The following TNFRSF8 variants were observed in gnomAD, a reference collection of about 807,000 sequenced individuals.
TNFRSF8 encodes tumor necrosis factor receptor superfamily member 8.
Under a neutral mutation model 70.8 loss-of-function variants are expected in TNFRSF8, and 26 were observed. The ratio of observed to expected loss-of-function variants is 0.37; its 90% CI spans 0.27 to 0.51. The LOEUF is 0.51. Ranked by LOEUF, TNFRSF8 falls within the 20% of genes least tolerant of loss-of-function variation. The probability of loss-of-function intolerance (pLI) is 0.94; values close to 1 mark genes in which losing one functional copy is unlikely to be tolerated. For synonymous variants in TNFRSF8, 356 were observed against 339.2 expected, an observed-to-expected ratio of 1.05 and a Z score of -0.54; for missense variants, 720 against 807.9, an observed-to-expected ratio of 0.89 and a Z score of 1.32.
At chr1:12,068,387 T>C (rs1282590635) in intron 1 of TNFRSF8, among the ~76,000 whole-genome samples, 1 of 150,908 alleles carries the variant, frequency 6.6e-6, no homozygotes, top group Non-Finnish European at 1.5e-5. Flanking sequence ...TAGGGGAGAG[T>C]CTTGCCTACA....
intron 6 of TNFRSF8, among the ~76,000 whole-genome samples, chr1:12,111,277 G>A (rs11569881): frequency 0.07 from 10,677 of 152,046 alleles, 403 homozygotes; most frequent in Non-Finnish European, 0.08. Flanking sequence ...CGCCTCCTGG[G>A]TTCAAGCAAT....
intron 9 of TNFRSF8, 94 bp from the exon 10 acceptor site, chr1:12,123,621 T>G: frequency 8.6e-7 from 1 of 1,164,298 alleles, no homozygotes; most frequent in Non-Finnish European, 1.2e-6. Flanking sequence ...GCCCAGGCTC[T>G]GGTTGCGCAG....
chr1:12,125,767 G>C (rs545634863), intron 10 of TNFRSF8, 184 bp from the exon 11 acceptor site: 91 of 643,316 alleles, frequency 1.4e-4, no homozygotes, highest in South Asian at 2.1e-4. Flanking sequence ...TTCAATAGTT[G>C]ATCAGCTTCC....
At chr1:12,076,136 T>C (rs1362777800) in intron 1 of TNFRSF8, among the ~76,000 whole-genome samples, 1 of 144,184 alleles carries the variant, frequency 6.9e-6, no homozygotes, top group African/African-American at 2.5e-5. Flanking sequence ...GTTTCACTCA[T>C]CTTGCCCAGG....
chr1:12,093,879 G>A (rs1383826309), intron 2 of TNFRSF8, among the ~76,000 whole-genome samples: 3 of 152,036 alleles, frequency 2.0e-5, no homozygotes, highest in South Asian at 2.1e-4. Flanking sequence ...AGAGCATCTT[G>A]GCTAACACGG....
intron 8 of TNFRSF8, among the ~76,000 whole-genome samples, chr1:12,121,366 T>C (rs541144612): frequency 2.0e-5 from 3 of 152,200 alleles, no homozygotes; most frequent in African/African-American, 7.2e-5. Flanking sequence ...AGAGGGGAGA[T>C]GTGGGTATGT....
Position 12,142,343 on chromosome 1 carries a change from C to G in TNFRSF8, c.1600C>G (p.Leu534Val), listed in dbSNP as rs1642268043. The change falls in exon 15 of 15, where the codon CTG (leucine) becomes GTG (valine). Residue 534 changes from leucine to valine, a missense_variant. Physicochemically the swap from Leu to Val is conservative, Grantham distance 32 (BLOSUM62 1). Coordinates refer to ENST00000263932, the MANE Select transcript of TNFRSF8 (RefSeq NM_001243.5). The surrounding 1 kb of genome is among the most constrained non-coding windows in gnomAD (Gnocchi z 5.0). Reference sequence around the variant, plus strand: ...GATCGTGGGGACCGTGAAGGCTGAGCTGCCGGAGGGCCGGGGCCTGGCGGG... The same window carrying G: ...GATCGTGGGGACCGTGAAGGCTGAGGTGCCGGAGGGCCGGGGCCTGGCGGG... ...TVIVGTVKAE[L>V]PEGRGLAGPA... The G allele has an allele frequency of 6.2e-7, 1 of 1,606,962 alleles. No individual in the cohort carries two copies. The highest frequency in any genetic ancestry group is 1.3e-5 in the African/African-American group (1 of 74,982).
intron 4 of TNFRSF8, among the ~76,000 whole-genome samples, chr1:12,107,760 T>G (rs975034434): frequency 3.3e-5 from 5 of 151,362 alleles, no homozygotes; most frequent in Non-Finnish European, 7.4e-5. Context: ...TCTCCGGGGT[T>G]GTTGTTTTTT....
chr1:12,113,983 T>A lies in TNFRSF8; in HGVS notation c.794-1594T>A, dbSNP rs1287660079. ...TCACTGCAGCCATGTTTTGGGGAAA[T>A]ACAGTCTGCCACAACCACCATGTGG... is the stretch of plus-strand genomic sequence containing the variant. On this transcript the variant is annotated intron_variant, in intron 7 of 14. Coordinates refer to ENST00000263932, the MANE Select transcript of TNFRSF8 (RefSeq NM_001243.5). This position sits in a 1 kb window ranked among gnomAD's most constrained non-coding sequence, Gnocchi z 4.9. Among the ~76,000 whole-genome samples, 2 of 152,116 alleles carry A rather than the reference T, an allele frequency of 1.3e-5. No homozygotes were observed. Among genetic ancestry groups the A allele is most frequent in the Non-Finnish European group, 2.9e-5 (2 of 68,020 alleles).
In TNFRSF8 at chr1:12,138,199, C is replaced by T. The variant is rs749479349; in HGVS notation, c.1336-30C>T. The T allele has an allele frequency of 3.1e-6, 5 of 1,606,828 alleles. No individual in the cohort carries two copies. In the African/African-American group the frequency reaches 6.7e-5, roughly 22 times the overall value. On this transcript the variant is annotated intron_variant, in intron 13 of 14. Transcript: ENST00000263932. This position sits in a 1 kb window ranked among gnomAD's most constrained non-coding sequence, Gnocchi z 5.7. ...AGACTGGTGGGGAGGTTGGGGGTACCCTGCAGCAGCACCCATTCCCGTCCC... is the reference window on the plus strand; with the variant it reads ...AGACTGGTGGGGAGGTTGGGGGTACTCTGCAGCAGCACCCATTCCCGTCCC...
At chr1:12,079,173 T>TG (rs1033895973) in intron 1 of TNFRSF8, among the ~76,000 whole-genome samples, 28 of 152,376 alleles carry the variant, frequency 1.8e-4, no homozygotes, top group Admixed American at 1.8e-3. Flanking sequence ...TGGGGCTTTT[T>TG]GAAAGTGAAC....
At chr1:12,095,369 C>A (rs1249967579) in intron 2 of TNFRSF8, among the ~76,000 whole-genome samples, 1 of 151,580 alleles carries the variant, frequency 6.6e-6, no homozygotes, top group Admixed American at 6.6e-5. Context: ...CTCACTGCAA[C>A]CTCCGCCTCC....
intron 6 of TNFRSF8, among the ~76,000 whole-genome samples, chr1:12,111,491 CTTT>C (rs1207387039): frequency 6.6e-6 from 1 of 152,066 alleles, no homozygotes; most frequent in Non-Finnish European, 1.5e-5. Flanking sequence ...CCACACCAGT[CTTT>C]AAAAGAGGGA....
At chr1:12,122,240 A>C (rs1020619985) in intron 8 of TNFRSF8, among the ~76,000 whole-genome samples, 1 of 152,066 alleles carries the variant, frequency 6.6e-6, no homozygotes, top group Non-Finnish European at 1.5e-5. Flanking sequence ...TATGTTGCTT[A>C]GGCTGGTTTC....
At chr1:12,098,066 AG>A (rs1641360707) in intron 3 of TNFRSF8, among the ~76,000 whole-genome samples, 1 of 152,240 alleles carries the variant, frequency 6.6e-6, no homozygotes, top group East Asian at 1.9e-4. Context: ...CTATGTTATT[AG>A]GTACATAAAT....
intron 12 of TNFRSF8, 47 bp downstream of exon 12, chr1:12,126,283 A>G: frequency 6.2e-7 from 1 of 1,611,090 alleles, no homozygotes. Context: ...AGAGGAACAC[A>G]GGGCAGCTCT....
rs76824697 is a variant in TNFRSF8, at chr1:12,134,094, A to G, written c.1310-1494A>G. ...TTTCCCAAACTCACCTAGTGTCCAC[A>G]CAGCGTGTTCAAATGGTCAGTCTTG... On this transcript the variant is annotated intron_variant, in intron 12 of 14. Coordinates refer to ENST00000263932, the MANE Select transcript of TNFRSF8 (RefSeq NM_001243.5). Among the ~76,000 whole-genome samples, 656 of 152,304 alleles carry G rather than the reference A, an allele frequency of 4.3e-3. 4 individuals are homozygous for G. The highest frequency in any genetic ancestry group is 7.3e-3 in the South Asian group (35 of 4,820).
intron 2 of TNFRSF8, among the ~76,000 whole-genome samples, chr1:12,084,829 C>T (rs1015785768): frequency 1.3e-5 from 2 of 152,166 alleles, no homozygotes; most frequent in Non-Finnish European, 2.9e-5. Context: ...CACTTACTAT[C>T]CATGAGTCCG....
At chr1:12,129,114 T>C (rs1428983643) in intron 12 of TNFRSF8, among the ~76,000 whole-genome samples, 4 of 152,074 alleles carry the variant, frequency 2.6e-5, no homozygotes, top group Non-Finnish European at 4.4e-5. Flanking sequence ...TTTGCAGGCA[T>C]GAGCCACCAT....
Sources: allele counts gnomAD v4.1 joint callset (sites outside exome capture counted in the v4.1 genomes callset), GRCh38; gene constraint gnomAD v4.1.1; non-coding constraint Gnocchi (gnomAD v3.1); transcripts MANE v1.5; gene names NCBI Gene and HGNC (gene_info 2026-07-23, HGNC 2026-07-21).